LAMA1: variants seen among roughly 807,000 people sequenced by gnomAD.
LAMA1 encodes laminin subunit alpha 1.
Under a neutral mutation model 348.7 loss-of-function variants are expected in LAMA1, and 219 were observed. That is an observed-to-expected ratio of 0.63 (90% confidence interval 0.56 to 0.70). LAMA1 has a LOEUF of 0.70. Ranked by LOEUF, LAMA1 falls within the 30% of genes least tolerant of loss-of-function variation. The pLI is 0.00. For synonymous variants in LAMA1, 1,487 were observed against 1,491.0 expected, an observed-to-expected ratio of 1.00 and a Z score of 0.06; for missense variants, 3,744 against 3,888.0, an observed-to-expected ratio of 0.96 and a Z score of 0.99.
intron 1 of LAMA1, among the ~76,000 whole-genome samples, chr18:7,115,393 G>A (rs1352593556): frequency 1.3e-5 from 2 of 151,948 alleles, no homozygotes; most frequent in African/African-American, 4.8e-5. Context: ...AACACAATAC[G>A]TCCTATTCAA....
At chr18:6,972,935 C>G (rs567337529) in intron 47 of LAMA1, 122 bp downstream of exon 47, 2 of 1,027,820 alleles carry the variant, frequency 1.9e-6, no homozygotes, top group Middle Eastern at 2.2e-4. Flanking sequence ...AGGTGATCTG[C>G]CCACCTTGGC....
chr18:7,053,571 A>G (rs760389401), intron 3 of LAMA1, among the ~76,000 whole-genome samples: 1 of 152,168 alleles, frequency 6.6e-6, no homozygotes, highest in Non-Finnish European at 1.5e-5. Context: ...AAAAAAATGA[A>G]TGTAGATGAC....
At chr18:6,976,556 T>A (rs1379070268) in intron 44 of LAMA1, among the ~76,000 whole-genome samples, 1 of 152,116 alleles carries the variant, frequency 6.6e-6, no homozygotes, top group Non-Finnish European at 1.5e-5. Flanking sequence ...AGTTTGGTAT[T>A]AACCTAGCAT....
At chr18:7,113,253 G>T (rs950691296) in intron 1 of LAMA1, among the ~76,000 whole-genome samples, 2 of 152,164 alleles carry the variant, frequency 1.3e-5, no homozygotes, top group African/African-American at 4.8e-5. Context: ...AGATGTGTCC[G>T]GCACTTAAGA....
At chr18:7,016,808 A>G in intron 20 of LAMA1, 137 bp from the exon 21 acceptor site, 2 of 804,520 alleles carry the variant, frequency 2.5e-6, no homozygotes, top group South Asian at 1.8e-5. Flanking sequence ...CCATCCCTTT[A>G]TAGCAAACAT....
chr18:7,025,858 G>GTCAC (rs2057940275), intron 17 of LAMA1, 121 bp downstream of exon 17: 2 of 1,379,668 alleles, frequency 1.4e-6, no homozygotes, highest in Admixed American at 3.9e-5. Context: ...CAAATCAATT[G>GTCAC]TCACTGGGCA....
intron 1 of LAMA1, among the ~76,000 whole-genome samples, chr18:7,092,012 T>G (rs2058241512): frequency 6.6e-6 from 1 of 152,206 alleles, no homozygotes; most frequent in African/African-American, 2.4e-5. Flanking sequence ...TCATTTGAGT[T>G]ACGTTTTACC....
chr18:7,059,822 T>C (rs1178616262), intron 3 of LAMA1, among the ~76,000 whole-genome samples: 1 of 152,242 alleles, frequency 6.6e-6, no homozygotes, highest in African/African-American at 2.4e-5. Context: ...AAATAAACTT[T>C]TCCCAGACAA....
chr18:7,108,165 G>A (rs555382812), intron 1 of LAMA1, among the ~76,000 whole-genome samples: 74 of 151,192 alleles, frequency 4.9e-4, no homozygotes, highest in African/African-American at 1.8e-3. Context: ...GTGAAACTCC[G>A]TCTCTACTAA....
chr18:7,097,089 TG>T (rs1333751510), intron 1 of LAMA1, among the ~76,000 whole-genome samples: 2 of 151,978 alleles, frequency 1.3e-5, no homozygotes, highest in Non-Finnish European at 2.9e-5. Flanking sequence ...AGAAAATGAA[TG>T]GGGAAAGCTC....
intron 8 of LAMA1, 152 bp from the exon 9 acceptor site, chr18:7,042,402 G>A: frequency 1.5e-6 from 1 of 646,808 alleles, no homozygotes; most frequent in East Asian, 2.9e-5. Flanking sequence ...AGGAAGATAA[G>A]ATGATCCCAA....
chr18:6,943,124 G>A, intron 62 of LAMA1, 56 bp downstream of exon 62: 3 of 1,476,290 alleles, frequency 2.0e-6, no homozygotes, highest in Non-Finnish European at 2.8e-6. Context: ...CCTGAACCAA[G>A]ACTTCCTCCA....
rs886834262 is a variant in LAMA1, at chr18:7,011,555, CATT to C, written c.3508-79_3508-77del. On this transcript the variant is annotated intron_variant, in intron 24 of 62. Coordinates refer to ENST00000389658, the MANE Select transcript of LAMA1 (RefSeq NM_005559.4). ...TCCAGTTTCATTCTTTAGATTCCATCATTGTTTCACAGATGAAACAGCTTCATT... is the reference window on the plus strand; with the variant it reads ...TCCAGTTTCATTCTTTAGATTCCATCGTTTCACAGATGAAACAGCTTCATT... 17 of 1,329,682 alleles carry C rather than the reference CATT, an allele frequency of 1.3e-5. No homozygotes were observed. In the African/African-American group the frequency reaches 1.6e-4, roughly 12 times the overall value. The allele number at this position is 1,329,682 out of a possible 1,614,324, so 82.4% of individuals were successfully genotyped here. A position where few individuals can be genotyped will look rare whatever the true frequency, so the allele number is the denominator to read the frequency against.
chr18:7,020,577 A>G (rs1219609589), intron 19 of LAMA1, among the ~76,000 whole-genome samples: 1 of 152,156 alleles, frequency 6.6e-6, no homozygotes, highest in Admixed American at 6.5e-5. Context: ...GATGCGAGAG[A>G]AGGGATGAGA....
chr18:7,108,903 G>A (rs1165846086), intron 1 of LAMA1, among the ~76,000 whole-genome samples: 2 of 152,104 alleles, frequency 1.3e-5, no homozygotes, highest in Admixed American at 6.6e-5. Context: ...GATTTTGACG[G>A]GTGGGGAAAG....
chr18:7,098,343 C>A (rs899102226), intron 1 of LAMA1, among the ~76,000 whole-genome samples: 1 of 151,550 alleles, frequency 6.6e-6, no homozygotes. Context: ...CTCTGCCTGG[C>A]TGCCCAGTCT....
intron 16 of LAMA1, among the ~76,000 whole-genome samples, chr18:7,030,523 G>A (rs1356290612): frequency 1.3e-5 from 2 of 152,096 alleles, no homozygotes; most frequent in Non-Finnish European, 2.9e-5. Context: ...TCTTCATTCT[G>A]ATAACTCCAC....
At position 6,959,303 on chromosome 18, in the gene LAMA1, A is replaced by G. The variant is rs753795004; in HGVS notation, c.7778+38T>C. The G allele has an allele frequency of 5.0e-6, 8 of 1,613,724 alleles. No homozygotes were observed. The South Asian group carries it at 8.8e-5, about 18-fold the overall frequency. On this transcript the variant is annotated intron_variant, in intron 54 of 62. Transcript: ENST00000389658. The stretch of plus-strand genomic sequence containing the variant: ...CTCCCACATTCCCTCTGAGCTCACC[A>G]CACCTTCATTACACACTGCCTGGCC...
chr18:7,097,994 C>T (rs1323084636), intron 1 of LAMA1, among the ~76,000 whole-genome samples: 1 of 149,458 alleles, frequency 6.7e-6, no homozygotes, highest in East Asian at 2.0e-4. Flanking sequence ...CTAGTGCCTG[C>T]GATTGCAGGC....
Sources: gnomAD v4.1 joint callset for allele counts (sites outside exome capture counted in the v4.1 genomes callset) on GRCh38, gnomAD v4.1.1 for gene constraint, MANE v1.5 for transcripts, NCBI Gene and HGNC (gene_info 2026-07-23, HGNC 2026-07-21) for gene names.